ALKBH1: variants seen among roughly 807,000 people sequenced by gnomAD.
The protein encoded by ALKBH1 is nucleic acid dioxygenase ALKBH1.
ALKBH1 carries 31 observed loss-of-function variants against 36.6 expected under a neutral mutation model. The ratio of observed to expected loss-of-function variants is 0.85; its 90% CI spans 0.64 to 1.14. The LOEUF is 1.14. ALKBH1 is among the 50% of genes most tolerant of loss of function. The pLI, the probability that ALKBH1 is intolerant of heterozygous loss-of-function variation, is 0.00. For synonymous variants in ALKBH1, 183 were observed against 186.6 expected, an observed-to-expected ratio of 0.98 and a Z score of 0.16; for missense variants, 490 against 497.3, an observed-to-expected ratio of 0.99 and a Z score of 0.14.
intron 3 of ALKBH1, chr14:77,683,174 A>G (rs1190426714): frequency 1.9e-6 from 1 of 537,384 alleles, no homozygotes. Context: ...TTTTTTTTAC[A>G]AACAGTCCAG....
intron 5 of ALKBH1, among the ~76,000 whole-genome samples, chr14:77,674,484 T>C (rs1443995980): frequency 6.6e-6 from 1 of 152,126 alleles, no homozygotes; most frequent in Non-Finnish European, 1.5e-5. Context: ...AAAATAAAAT[T>C]GGATGCAGTT....
chr14:77,695,741 C>T (rs928809341), intron 2 of ALKBH1, among the ~76,000 whole-genome samples: 1 of 152,134 alleles, frequency 6.6e-6, no homozygotes, highest in African/African-American at 2.4e-5. Flanking sequence ...ACAATTACAG[C>T]ATGTGTGTTA....
Position 77,687,841 on chromosome 14 carries a change from AAAG to A in ALKBH1, c.455+6894_455+6896del, listed in dbSNP as rs1241708262. 5.9e-5 allele frequency among the ~76,000 whole-genome samples: 9 copies of A among 152,282 alleles called. No individual in the cohort carries two copies. In the East Asian group the frequency reaches 1.5e-3, roughly 26 times the overall value. On this transcript the variant is annotated intron_variant, in intron 3 of 5. Transcript: ENST00000216489. ...TTCTATAGATGAGAAAGAAAAGTGAAAAGAAGAGAAGAAAGAAAACCACATCTA... is the reference window on the plus strand; with the variant it reads ...TTCTATAGATGAGAAAGAAAAGTGAAAAGAGAAGAAAGAAAACCACATCTA...
intron 3 of ALKBH1, among the ~76,000 whole-genome samples, chr14:77,687,632 A>T (rs2080275252): frequency 6.6e-6 from 1 of 152,078 alleles, no homozygotes; most frequent in Admixed American, 6.6e-5. Context: ...CATTACACCA[A>T]TTAATTGTCA....
chr14:77,674,498 T>G (rs1366643808), intron 5 of ALKBH1, among the ~76,000 whole-genome samples: 1 of 152,146 alleles, frequency 6.6e-6, no homozygotes, highest in Non-Finnish European at 1.5e-5. Flanking sequence ...TGCAGTTAAA[T>G]AAGCAAATGG....
chr14:77,692,453 TC>T (rs2139856762), intron 3 of ALKBH1, among the ~76,000 whole-genome samples: 1 of 152,258 alleles, frequency 6.6e-6, no homozygotes, highest in East Asian at 1.9e-4. Flanking sequence ...GGCATTAGAT[TC>T]TCAATAAGGA....
chr14:77,688,092 A>C (rs1054423382), intron 3 of ALKBH1, among the ~76,000 whole-genome samples: 6 of 152,188 alleles, frequency 3.9e-5, no homozygotes, highest in African/African-American at 1.4e-4. Context: ...TATTTCCATT[A>C]CAAGCCTCAG....
intron 3 of ALKBH1, among the ~76,000 whole-genome samples, chr14:77,689,330 T>C (rs2139853902): frequency 6.6e-6 from 1 of 152,326 alleles, no homozygotes; most frequent in African/African-American, 2.4e-5. Flanking sequence ...TTTAAGTACC[T>C]GGGTTCCTCC....
chr14:77,707,923 G>A lies in ALKBH1; in HGVS notation c.82C>T (p.Arg28Cys), dbSNP rs1165768460. ...PGEDAFRKLF[R>C]FYRQSRPGTA... Reference sequence around the variant, plus strand: ...CCGGGCCGGCTCTGACGGTAGAAGCGGAAAAGTTTCCGAAAGGCGTCCTCC... The same window carrying A: ...CCGGGCCGGCTCTGACGGTAGAAGCAGAAAAGTTTCCGAAAGGCGTCCTCC... Residue 28 changes from arginine to cysteine, a missense_variant, in exon 1 of 6, where the codon CGC (arginine) becomes TGC (cysteine). Coordinates refer to ENST00000216489, the MANE Select transcript of ALKBH1 (RefSeq NM_006020.3). 4.3e-6 allele frequency: 7 copies of A among 1,613,380 alleles called. No individual in the cohort carries two copies. Among genetic ancestry groups the A allele is most frequent in the Non-Finnish European group, 5.9e-6 (7 of 1,179,980 alleles).
chr14:77,694,219 C>A (rs369827594), intron 3 of ALKBH1, among the ~76,000 whole-genome samples: 1 of 152,164 alleles, frequency 6.6e-6, no homozygotes, highest in African/African-American at 2.4e-5. Context: ...CGCCTAGCAT[C>A]ATGCCTGACA....
intron 3 of ALKBH1, among the ~76,000 whole-genome samples, chr14:77,681,966 C>T (rs889944904): frequency 1.8e-4 from 28 of 152,168 alleles, no homozygotes; most frequent in African/African-American, 6.0e-4. Flanking sequence ...GTGCCTTTTC[C>T]CTTTGCTGAT....
At chr14:77,688,694 C>G (rs1017895268) in intron 3 of ALKBH1, among the ~76,000 whole-genome samples, 1 of 151,856 alleles carries the variant, frequency 6.6e-6, no homozygotes, top group Admixed American at 6.6e-5. Flanking sequence ...ACCTCAGCTT[C>G]CCTAGTAGCT....
chr14:77,705,645 T>C (rs1215994385), intron 1 of ALKBH1, among the ~76,000 whole-genome samples: 1 of 152,228 alleles, frequency 6.6e-6, no homozygotes. Context: ...GAGTATCTAA[T>C]GGATGGCTCA....
chr14:77,697,511 G>A (rs931270449), intron 2 of ALKBH1: 7 of 152,360 alleles, frequency 4.6e-5, no homozygotes, highest in African/African-American at 1.7e-4. Flanking sequence ...GACTCTCGAT[G>A]TCACTGGAAG....
chr14:77,703,941 T>G (rs2080374240), intron 2 of ALKBH1, among the ~76,000 whole-genome samples: 1 of 152,194 alleles, frequency 6.6e-6, no homozygotes, highest in African/African-American at 2.4e-5. Context: ...TTAAATATGT[T>G]CAGCCTTGAT....
intron 4 of ALKBH1, 94 bp from the exon 5 acceptor site, chr14:77,675,943 T>C (rs889839260): frequency 1.6e-5 from 17 of 1,039,536 alleles, no homozygotes; most frequent in Admixed American, 2.4e-5. Context: ...ATAATCTTAC[T>C]TACAAAGTCA....
At chr14:77,692,170 G>GT (rs1474125119) in intron 3 of ALKBH1, among the ~76,000 whole-genome samples, 1 of 152,180 alleles carries the variant, frequency 6.6e-6, no homozygotes, top group African/African-American at 2.4e-5. Context: ...GACTTCTCAC[G>GT]TATTATCTTG....
intron 2 of ALKBH1, among the ~76,000 whole-genome samples, chr14:77,703,625 T>G (rs1487451623): frequency 7.2e-6 from 1 of 139,490 alleles, no homozygotes. Flanking sequence ...GAGACAGAGT[T>G]TCCCCCTTAT....
In ALKBH1 at chr14:77,673,669, C is replaced by T; in HGVS notation, c.*143G>A. 1.2e-6 allele frequency: 1 copy of T among 868,644 alleles called. No individual in the cohort carries two copies. Among genetic ancestry groups the T allele is most frequent in the Non-Finnish European group, 1.8e-6 (1 of 565,836 alleles). 53.8% of individuals were successfully genotyped at this position (868,644 alleles called of 1,614,324 possible). Reference sequence around the variant, plus strand: ...GCTGAGTTTACTTCTGCGTGGGTTCCAAGGCAACAGTGTGATCAACAATGA... The same window carrying T: ...GCTGAGTTTACTTCTGCGTGGGTTCTAAGGCAACAGTGTGATCAACAATGA... On this transcript the variant is annotated 3_prime_UTR_variant, in exon 6 of 6. Coordinates refer to ENST00000216489, the MANE Select transcript of ALKBH1 (RefSeq NM_006020.3).
Sources: gnomAD v4.1 joint callset for allele counts (sites outside exome capture counted in the v4.1 genomes callset) on GRCh38, gnomAD v4.1.1 for gene constraint, MANE v1.5 for transcripts, NCBI Gene and HGNC (gene_info 2026-07-23, HGNC 2026-07-21) for gene names.